Variants in SLC16A2 observed in about 807,000 individuals in gnomAD.
The protein encoded by SLC16A2 is solute carrier family 16 member 2.
Under a neutral mutation model 27.2 loss-of-function variants are expected in SLC16A2, and 3 were observed. The ratio of observed to expected loss-of-function variants is 0.11; its 90% confidence interval spans 0.05 to 0.28. SLC16A2 has a LOEUF of 0.28. SLC16A2 is among the 10% of genes least tolerant of loss of function. SLC16A2 has a pLI of 1.00. For synonymous variants in SLC16A2, 202 were observed against 187.8 expected (o/e 1.08, Z -0.62); for missense variants, 295 against 458.5 (o/e 0.64, Z 3.26).
Position 74,531,937 on chromosome X carries a change from G to A in SLC16A2, c.*384G>A. 1 of 236,254 alleles carries A rather than the reference G, an allele frequency of 4.2e-6. No individual in the cohort carries two copies. The highest frequency in any genetic ancestry group is 7.7e-6 in the Non-Finnish European group (1 of 129,525). The allele number at this position is 236,254 out of a possible 1,213,427, so 19.5% of individuals were successfully genotyped here. ...TACTGTGTCCCCAGGAGCCTAATAG[G>A]GTAGGCCCAAATCTCTGTTTGCTGA... On this transcript the variant is annotated 3_prime_UTR_variant, in exon 6 of 6. Transcript: ENST00000587091.
rs189875170 is a variant in SLC16A2, at chrX:74,532,663, A to C, written c.*1110A>C. On this transcript the variant is annotated 3_prime_UTR_variant, in exon 6 of 6. Transcript: ENST00000587091. ...GGCCAGGCCAGGAAAGAGACTATTT[A>C]AGAAAAAAAAAATCAATTCCTAGCC... 1.8e-5 allele frequency: 2 copies of C among 108,587 alleles called. No individual in the cohort carries two copies. The highest frequency in any genetic ancestry group is 1.9e-4 in the Admixed American group (2 of 10,384). 8.9% of individuals were successfully genotyped at this position (108,587 alleles called of 1,213,427 possible). A position where few individuals can be genotyped will look rare whatever the true frequency, so the allele number is the denominator to read the frequency against.
chrX:74,494,599 T>C (rs751071378), intron 1 of SLC16A2, among the ~76,000 whole-genome samples: 2 of 111,554 alleles, frequency 1.8e-5, no homozygotes, highest in African/African-American at 6.5e-5. Context: ...AGGATGTAAA[T>C]AAATTAATCT....
intron 1 of SLC16A2, among the ~76,000 whole-genome samples, chrX:74,435,554 T>TATGTATGTATATATATATATA (rs1491092189): frequency 1.3e-5 from 1 of 76,249 alleles, no homozygotes; most frequent in Admixed American, 1.4e-4. Flanking sequence ...TATATATATA[T>TATGTATGTATATATATATATA]TTTTTTTTTT....
At position 74,457,512 on chromosome X, in the gene SLC16A2, A is replaced by T. The variant is rs770429910; in HGVS notation, c.430+35445A>T. On this transcript the variant is annotated intron_variant, in intron 1 of 5. Transcript: ENST00000587091. ...TTCAGGGTCACCAATGCTGTCCTTG[A>T]GCTCCATTGACCCTCTTGTCATTGC... is the stretch of plus-strand genomic sequence containing the variant. Among the ~76,000 whole-genome samples, 3 of 111,648 alleles carry T rather than the reference A, an allele frequency of 2.7e-5. No homozygotes were observed. The South Asian group carries it at 1.1e-3, about 43-fold the overall frequency.
chrX:74,508,957 T>TTTTGATTG (rs1555988270), intron 1 of SLC16A2, among the ~76,000 whole-genome samples: 50 of 104,651 alleles, frequency 4.8e-4, no homozygotes, highest in African/African-American at 1.6e-3. Flanking sequence ...TTTGTATCCT[T>TTTTGATTG]TTTGTTTGTT....
Position 74,439,162 on chromosome X carries a change from TTC to T in SLC16A2, c.430+17097_430+17098del, listed in dbSNP as rs753028876. 1.2e-4 allele frequency among the ~76,000 whole-genome samples: 10 copies of T among 86,051 alleles called. No homozygotes were observed. The Middle Eastern group carries it at 0.021, about 181-fold the overall frequency. The allele number at this position is 86,051 out of a possible 115,157, so 74.7% of individuals were successfully genotyped here. A position where few individuals can be genotyped will look rare whatever the true frequency, so the allele number is the denominator to read the frequency against. On this transcript the variant is annotated intron_variant, in intron 1 of 5. Transcript: ENST00000587091. ...CTCTCTCTCTGGCTTGCTCAACTCT[TTC>T]TTTCTTTCTTTCTTTCTTTCTTTTT... is the stretch of plus-strand genomic sequence containing the variant.
intron 1 of SLC16A2, among the ~76,000 whole-genome samples, chrX:74,446,514 A>G (rs1928840296): frequency 1.8e-5 from 2 of 111,496 alleles, no homozygotes; most frequent in Admixed American, 1.9e-4. Context: ...CCACCTACTT[A>G]GGAGGCTGAG....
At chrX:74,464,268 T>C (rs1259428740) in intron 1 of SLC16A2, among the ~76,000 whole-genome samples, 3 of 112,610 alleles carry the variant, frequency 2.7e-5, no homozygotes, top group African/African-American at 6.5e-5. Flanking sequence ...ACAAGTACTT[T>C]TAAAATTTAA....
intron 1 of SLC16A2, among the ~76,000 whole-genome samples, chrX:74,475,259 T>C (rs368028379): frequency 9.5e-4 from 97 of 102,479 alleles, no homozygotes; most frequent in East Asian, 2.2e-3. Context: ...CATGTGTCTT[T>C]TGGCTGCATA....
chrX:74,510,323 C>CA (rs1930206648), intron 1 of SLC16A2, among the ~76,000 whole-genome samples: 1 of 111,019 alleles, frequency 9.0e-6, no homozygotes, highest in South Asian at 3.8e-4. Flanking sequence ...CCAGCCTTCT[C>CA]AGAGAAAGAT....
At chrX:74,478,997 G>A (rs1196984184) in intron 1 of SLC16A2, among the ~76,000 whole-genome samples, 30 of 110,562 alleles carry the variant, frequency 2.7e-4, no homozygotes, top group Admixed American at 1.2e-3. Flanking sequence ...TCTTTGTGGC[G>A]TTCTCTGTAT....
chrX:74,521,477 A>G (rs749219384), intron 2 of SLC16A2, among the ~76,000 whole-genome samples: 1 of 112,043 alleles, frequency 8.9e-6, no homozygotes, highest in Non-Finnish European at 1.9e-5. Context: ...CTCAATTTCT[A>G]TATCTGTAAC....
intron 1 of SLC16A2, among the ~76,000 whole-genome samples, chrX:74,443,772 T>C (rs1291129764): frequency 1.8e-5 from 2 of 112,078 alleles, no homozygotes; most frequent in African/African-American, 6.5e-5. Flanking sequence ...ATGATACAGC[T>C]AGGAGGAGTT....
intron 1 of SLC16A2, among the ~76,000 whole-genome samples, chrX:74,460,768 A>G (rs1313630626): frequency 9.0e-6 from 1 of 111,477 alleles, no homozygotes; most frequent in African/African-American, 3.3e-5. Flanking sequence ...CTCCTGCCTC[A>G]GCCTCCTGAG....
intron 1 of SLC16A2, among the ~76,000 whole-genome samples, chrX:74,492,282 T>C (rs1255007473): frequency 1.8e-5 from 2 of 110,984 alleles, no homozygotes; most frequent in Non-Finnish European, 3.8e-5. Context: ...ATTGGCCCCC[T>C]AGGGAAGGAG....
chrX:74,513,558 T>C (rs1930268236), intron 1 of SLC16A2, among the ~76,000 whole-genome samples: 1 of 112,180 alleles, frequency 8.9e-6, no homozygotes, highest in African/African-American at 3.2e-5. Flanking sequence ...ATAATTGTTA[T>C]CATGACTATT....
At chrX:74,519,509 C>T (rs1253517667) in intron 1 of SLC16A2, among the ~76,000 whole-genome samples, 1 of 102,555 alleles carries the variant, frequency 9.8e-6, no homozygotes, top group Non-Finnish European at 2.0e-5. Context: ...GTCAGGAGAT[C>T]GAGACCATCC....
intron 1 of SLC16A2, among the ~76,000 whole-genome samples, chrX:74,475,642 T>C (rs1929460346): frequency 8.9e-6 from 1 of 112,112 alleles, no homozygotes; most frequent in African/African-American, 3.2e-5. Context: ...TAATCCATCT[T>C]GAATTAATTT....
intron 1 of SLC16A2, among the ~76,000 whole-genome samples, chrX:74,424,098 GGGT>G (rs1569281569): frequency 9.2e-6 from 1 of 108,587 alleles, no homozygotes; most frequent in East Asian, 2.9e-4. Flanking sequence ...TAGAGGGTGG[GGGT>G]GGTGGTGGGG....
Sources: allele counts gnomAD v4.1 joint callset (sites outside exome capture counted in the v4.1 genomes callset), GRCh38; gene constraint gnomAD v4.1.1; transcripts MANE v1.5; gene names NCBI Gene and HGNC (gene_info 2026-07-23, HGNC 2026-07-21).